Variants in NEK5 observed in about 807,000 individuals in gnomAD.
NEK5 encodes NIMA related kinase 5.
A neutral mutation model predicts 109.2 loss-of-function variants in NEK5; 88 were observed. The observed-to-expected ratio is 0.81, with a 90% CI of 0.68 to 0.96. The LOEUF (loss-of-function observed/expected upper bound fraction) is 0.96, where lower values mean the gene tolerates loss of function less well. NEK5 is among the 40% of genes least tolerant of loss of function. The probability of loss-of-function intolerance (pLI) is 0.00; values close to 1 mark genes in which losing one functional copy is unlikely to be tolerated. For missense variants in NEK5, 834 were observed against 920.7 expected (o/e 0.91, Z 1.22); for synonymous variants, 283 against 299.9 (o/e 0.94, Z 0.58).
intron 20 of NEK5, among the ~76,000 whole-genome samples, chr13:52,066,885 T>A (rs1386637504): frequency 6.6e-6 from 1 of 152,098 alleles, no homozygotes; most frequent in Non-Finnish European, 1.5e-5. Flanking sequence ...TTTTAAAAAA[T>A]TTATTTTGTT....
intron 23 of NEK5, 121 bp downstream of exon 23, chr13:52,049,979 AACCC>A (rs1207131807): frequency 5.8e-6 from 1 of 172,736 alleles, no homozygotes; most frequent in Non-Finnish European, 1.2e-5. Context: ...CCCAGAACCA[AACCC>A]GTGCATTGTA....
intron 5 of NEK5, 126 bp from the exon 6 acceptor site, chr13:52,110,703 G>T: frequency 1.8e-6 from 1 of 557,124 alleles, no homozygotes; most frequent in South Asian, 2.8e-5. Flanking sequence ...TATAGTGTAT[G>T]TGTATTTATA....
At position 52,035,629 on chromosome 13, in the gene NEK5, C is replaced by T. The variant is rs1954354351; in HGVS notation, c.*1319G>A. 6.6e-6 allele frequency: 1 copy of T among 152,170 alleles called. No homozygotes were observed. Among genetic ancestry groups the T allele is most frequent in the Admixed American group, 6.5e-5 (1 of 15,274 alleles). The allele number at this position is 152,170 out of a possible 1,614,324, so 9.4% of individuals were successfully genotyped here. A position where few individuals can be genotyped will look rare whatever the true frequency, so the allele number is the denominator to read the frequency against. On this transcript the variant is annotated 3_prime_UTR_variant, in exon 24 of 24. Transcript: ENST00000684899. ...CAGTCTTAATGAGGAAATGTTTTAGCATTTATTAATTCAGGAAACATTTCT... is the reference window on the plus strand; with the variant it reads ...CAGTCTTAATGAGGAAATGTTTTAGTATTTATTAATTCAGGAAACATTTCT...
At chr13:52,106,553 G>A (rs953375895) in intron 8 of NEK5, among the ~76,000 whole-genome samples, 1 of 152,018 alleles carries the variant, frequency 6.6e-6, no homozygotes, top group Non-Finnish European at 1.5e-5. Context: ...ATCACCTGAG[G>A]TCAAGAATTC....
chr13:52,037,941 G>C (rs566498191), intron 23 of NEK5, among the ~76,000 whole-genome samples: 1 of 147,256 alleles, frequency 6.8e-6, no homozygotes, highest in African/African-American at 2.5e-5. Context: ...AAAATGTGTT[G>C]AAGGTCTCAC....
At chr13:52,092,584 T>C (rs533949302) in intron 13 of NEK5, among the ~76,000 whole-genome samples, 4 of 151,968 alleles carry the variant, frequency 2.6e-5, no homozygotes, top group African/African-American at 9.7e-5. Flanking sequence ...AGGGCTGACA[T>C]AGAAAGAAGG....
intron 12 of NEK5, among the ~76,000 whole-genome samples, chr13:52,095,704 A>G (rs1362958328): frequency 1.3e-5 from 2 of 152,228 alleles, no homozygotes; most frequent in Non-Finnish European, 2.9e-5. Context: ...CCTGGGCAAC[A>G]CAGTGAGACC....
At chr13:52,122,217 T>C (rs1260882609) in intron 3 of NEK5, among the ~76,000 whole-genome samples, 1 of 152,242 alleles carries the variant, frequency 6.6e-6, no homozygotes, top group Non-Finnish European at 1.5e-5. Flanking sequence ...TTAACCTCTT[T>C]AGCCTCAGCT....
At chr13:52,090,681 T>C (rs1351209110) in intron 13 of NEK5, among the ~76,000 whole-genome samples, 4 of 152,170 alleles carry the variant, frequency 2.6e-5, no homozygotes, top group African/African-American at 9.7e-5. Flanking sequence ...AAAGACATTC[T>C]CTATCTCTCT....
chr13:52,095,860 G>A (rs537120618), intron 12 of NEK5, among the ~76,000 whole-genome samples: 8 of 152,318 alleles, frequency 5.3e-5, no homozygotes, highest in South Asian at 2.1e-4. Context: ...GGGAGGTCGA[G>A]TGATATGCTT....
chr13:52,118,190 A>G (rs1239594697), intron 4 of NEK5, among the ~76,000 whole-genome samples: 1 of 152,188 alleles, frequency 6.6e-6, no homozygotes, highest in Admixed American at 6.5e-5. Flanking sequence ...TTATTTATTG[A>G]CTGACTTTTA....
At chr13:52,055,317 G>A (rs1244692127) in intron 22 of NEK5, among the ~76,000 whole-genome samples, 10 of 152,122 alleles carry the variant, frequency 6.6e-5, no homozygotes, top group African/African-American at 9.7e-5. Flanking sequence ...CCAAATCTAC[G>A]TCTGATTGGT....
At chr13:52,114,747 T>C (rs968267847) in intron 4 of NEK5, among the ~76,000 whole-genome samples, 1 of 152,176 alleles carries the variant, frequency 6.6e-6, no homozygotes, top group African/African-American at 2.4e-5. Context: ...TGCTTCCCCA[T>C]ATGCCTTAAT....
intron 12 of NEK5, among the ~76,000 whole-genome samples, chr13:52,098,302 A>AAATG (rs1955461471): frequency 7.0e-6 from 1 of 143,132 alleles, no homozygotes; most frequent in South Asian, 2.2e-4. Context: ...ATAAATAAAT[A>AAATG]AAGCCCTTTA....
chr13:52,076,607 G>A (rs887735082), intron 17 of NEK5, among the ~76,000 whole-genome samples: 2 of 152,180 alleles, frequency 1.3e-5, no homozygotes, highest in African/African-American at 4.8e-5. Flanking sequence ...CTCCATATTC[G>A]GAGGTTTCTT....
chr13:52,116,921 T>C (rs1442717849), intron 4 of NEK5, among the ~76,000 whole-genome samples: 2 of 151,782 alleles, frequency 1.3e-5, no homozygotes, highest in African/African-American at 4.9e-5. Flanking sequence ...CATCCTATTT[T>C]CTTTTTTTTT....
At chr13:52,109,505 T>C (rs1309112776) in intron 7 of NEK5, among the ~76,000 whole-genome samples, 1 of 152,176 alleles carries the variant, frequency 6.6e-6, no homozygotes, top group East Asian at 1.9e-4. Flanking sequence ...AAGGTATCTC[T>C]TGTGGGGAAA....
intron 22 of NEK5, among the ~76,000 whole-genome samples, chr13:52,051,105 A>G (rs73184346): frequency 0.014 from 2,074 of 151,698 alleles, 17 homozygotes; most frequent in Middle Eastern, 0.02. Context: ...CAGGTTAATT[A>G]AAAGTTTAAT....
chr13:52,035,538 C>T lies in NEK5; in HGVS notation c.*1410G>A, dbSNP rs1263408205. 6.6e-6 allele frequency: 1 copy of T among 152,116 alleles called. No homozygotes were observed. Among genetic ancestry groups the T allele is most frequent in the Non-Finnish European group, 1.5e-5 (1 of 68,020 alleles). 9.4% of individuals were successfully genotyped at this position (152,116 alleles called of 1,614,324 possible). A position where few individuals can be genotyped will look rare whatever the true frequency, so the allele number is the denominator to read the frequency against. On this transcript the variant is annotated 3_prime_UTR_variant, in exon 24 of 24. Coordinates refer to ENST00000684899, the MANE Select transcript of NEK5 (RefSeq NM_001365552.1). ...AATAAACATCTGTTAAGCTCCAGGC[C>T]ATGTTCAACGTTGGAATTGTTATGA...
Sources: allele counts gnomAD v4.1 joint callset (sites outside exome capture counted in the v4.1 genomes callset), GRCh38; gene constraint gnomAD v4.1.1; transcripts MANE v1.5; gene names NCBI Gene and HGNC (gene_info 2026-07-23, HGNC 2026-07-21).